NELL2: variants seen among roughly 807,000 people sequenced by gnomAD.
NELL2 encodes the protein protein kinase C-binding protein NELL2.
In NELL2, 41 loss-of-function variants were observed where a neutral mutation model predicts 109.6. The ratio of observed to expected loss-of-function variants is 0.37; its 90% CI spans 0.29 to 0.49. The LOEUF (loss-of-function observed/expected upper bound fraction) is 0.49. NELL2 is among the 20% of genes least tolerant of loss of function. NELL2 has a pLI of 0.98. For synonymous variants in NELL2, 355 were observed against 344.7 expected, an observed-to-expected ratio of 1.03 and a Z score of -0.33; for missense variants, 900 against 1,008.3, an observed-to-expected ratio of 0.89 and a Z score of 1.45.
At chr12:44,842,845 C>A (rs76924453) in intron 2 of NELL2, among the ~76,000 whole-genome samples, 9 of 151,634 alleles carry the variant, frequency 5.9e-5, no homozygotes, top group African/African-American at 2.2e-4. Flanking sequence ...AGGGAAGAGG[C>A]CCACGTGCAG....
intron 1 of NELL2, chr12:44,875,558 T>C (rs1340121310): frequency 6.2e-7 from 1 of 1,613,880 alleles, no homozygotes; most frequent in South Asian, 1.1e-5. Context: ...CCCGTTTCCA[T>C]GACCTCCTTT....
chr12:44,886,084 T>TAAGGAAGGAAGG (rs60040149), intron 1 of NELL2, among the ~76,000 whole-genome samples: 33 of 115,794 alleles, frequency 2.8e-4, no homozygotes, highest in East Asian at 1.0e-3. Flanking sequence ...ATCCATATAG[T>TAAGGAAGGAAGG]AAGGAAGGAA....
At chr12:44,651,191 G>C (rs1314585547) in intron 13 of NELL2, among the ~76,000 whole-genome samples, 1 of 152,166 alleles carries the variant, frequency 6.6e-6, no homozygotes, top group African/African-American at 2.4e-5. Context: ...CTTGTCCATG[G>C]AAAAAACTGT....
At chr12:44,842,530 A>T (rs1180625455) in intron 2 of NELL2, among the ~76,000 whole-genome samples, 1 of 152,236 alleles carries the variant, frequency 6.6e-6, no homozygotes, top group Non-Finnish European at 1.5e-5. Context: ...AGAACTTGGT[A>T]TAGCCAAAGA....
chr12:44,512,854 A>G (rs1191515442), intron 19 of NELL2, among the ~76,000 whole-genome samples: 1 of 152,074 alleles, frequency 6.6e-6, no homozygotes. Context: ...TAAAGTATAC[A>G]AAATTACACA....
chr12:44,693,991 C>T (rs1405589354), intron 12 of NELL2, among the ~76,000 whole-genome samples: 2 of 152,154 alleles, frequency 1.3e-5, no homozygotes. Flanking sequence ...ATTAAAAGGT[C>T]AAGTCATGAC....
rs1250521333 is a variant in NELL2, at chr12:44,780,097, G to A, written c.336-75C>T. The A allele has an allele frequency of 2.0e-6, 3 of 1,470,220 alleles. No homozygotes were observed. In the African/African-American group the frequency reaches 4.2e-5, roughly 21 times the overall value. The allele number at this position is 1,470,220 out of a possible 1,614,324, so 91.1% of individuals were successfully genotyped here. Reference sequence around the variant, plus strand: ...CGATTGAAGTGATCTCTGTCTACGGGATGGAATAGATGTACTTTTCCTAGT... The same window carrying A: ...CGATTGAAGTGATCTCTGTCTACGGAATGGAATAGATGTACTTTTCCTAGT... On this transcript the variant is annotated intron_variant, in intron 3 of 19. Coordinates refer to ENST00000429094, the MANE Select transcript of NELL2 (RefSeq NM_001145108.2).
chr12:44,547,833 T>G (rs1386871931), intron 15 of NELL2, among the ~76,000 whole-genome samples: 1 of 152,198 alleles, frequency 6.6e-6, no homozygotes, highest in Non-Finnish European at 1.5e-5. Flanking sequence ...CATGACTTTC[T>G]CTTTCTGGAA....
chr12:44,678,564 C>A (rs1408484687), intron 12 of NELL2, among the ~76,000 whole-genome samples: 1 of 151,990 alleles, frequency 6.6e-6, no homozygotes, highest in Non-Finnish European at 1.5e-5. Flanking sequence ...ATTTTCTTGG[C>A]TGAATATCAT....
At chr12:44,537,266 T>C (rs1034806704) in intron 15 of NELL2, among the ~76,000 whole-genome samples, 23 of 152,124 alleles carry the variant, frequency 1.5e-4, no homozygotes, top group African/African-American at 4.6e-4. Context: ...AATGAGACAC[T>C]TGAGTGATAA....
At chr12:44,888,343 T>G (rs925906640) in intron 1 of NELL2, among the ~76,000 whole-genome samples, 26 of 151,810 alleles carry the variant, frequency 1.7e-4, no homozygotes, top group African/African-American at 6.3e-4. Flanking sequence ...CTAAATAAAT[T>G]TAGGATTTTA....
At chr12:44,818,700 C>T (rs920671002) in intron 2 of NELL2, among the ~76,000 whole-genome samples, 38 of 147,686 alleles carry the variant, frequency 2.6e-4, no homozygotes, top group Non-Finnish European at 4.5e-4. Flanking sequence ...GTGAACAGAG[C>T]TGAGAGGCTA....
At chr12:44,886,535 A>G (rs2710448) in intron 1 of NELL2, among the ~76,000 whole-genome samples, 2,807 of 152,114 alleles carry the variant, frequency 0.018, 119 homozygotes, top group African/African-American at 0.064. Context: ...TAAAATTAAT[A>G]CATAATAGAT....
intron 9 of NELL2, among the ~76,000 whole-genome samples, chr12:44,731,424 G>A (rs1290185027): frequency 2.6e-5 from 4 of 152,056 alleles, no homozygotes; most frequent in Non-Finnish European, 5.9e-5. Flanking sequence ...TCCCTGGGGT[G>A]TGAGGATAGC....
At chr12:44,893,989 C>A (rs1945565349) in intron 1 of NELL2, among the ~76,000 whole-genome samples, 1 of 152,064 alleles carries the variant, frequency 6.6e-6, no homozygotes, top group South Asian at 2.1e-4. Context: ...CATACAAACT[C>A]AACAGACCTA....
chr12:44,516,916 T>G (rs1941289015), intron 19 of NELL2, among the ~76,000 whole-genome samples: 2 of 150,956 alleles, frequency 1.3e-5, no homozygotes, highest in African/African-American at 2.4e-5. Context: ...TTTTTTTTTT[T>G]GCTAATTTTA....
chr12:44,649,248 C>T (rs1283713337), intron 13 of NELL2, among the ~76,000 whole-genome samples: 1 of 149,386 alleles, frequency 6.7e-6, no homozygotes, highest in Non-Finnish European at 1.5e-5. Flanking sequence ...TGTCTGCCTG[C>T]CTGCCTGCCT....
upstream of NELL2, chr12:44,876,402 G>T: frequency 1.6e-6 from 2 of 1,265,466 alleles, no homozygotes; most frequent in Non-Finnish European, 2.0e-6. Flanking sequence ...GAGGAGGGAG[G>T]GGCCGCCGAG....
intron 13 of NELL2, among the ~76,000 whole-genome samples, chr12:44,634,052 A>G (rs775290835): frequency 2.0e-5 from 3 of 152,170 alleles, no homozygotes; most frequent in Non-Finnish European, 4.4e-5. Flanking sequence ...TTCTTCTACT[A>G]TATAACTTGC....
Sources: gnomAD v4.1 joint callset for allele counts (sites outside exome capture counted in the v4.1 genomes callset) on GRCh38, gnomAD v4.1.1 for gene constraint, MANE v1.5 for transcripts, NCBI Gene and HGNC (gene_info 2026-07-23, HGNC 2026-07-21) for gene names.